Variants in PHACTR3 observed in about 807,000 individuals in gnomAD.
PHACTR3 encodes protein phosphatase 1, regulatory subunit 123.
PHACTR3 carries 16 observed loss-of-function variants against 66.8 expected under a neutral mutation model. The observed-to-expected ratio is 0.24, with a 90% CI of 0.16 to 0.36. The LOEUF (loss-of-function observed/expected upper bound fraction) is 0.36. Among genes scored for constraint, PHACTR3 ranks in the 10% least tolerant of loss-of-function variants. The pLI, the probability that PHACTR3 is intolerant of heterozygous loss-of-function variation, is 1.00. For synonymous variants in PHACTR3, 323 were observed against 292.1 expected (o/e 1.11, Z -1.08); for missense variants, 647 against 719.9 (o/e 0.90, Z 1.16).
chr20:59,635,101 C>CTTTCTT lies in PHACTR3; in HGVS notation c.118+29970_118+29971insTTCTTT, dbSNP rs1458059575. 2.8e-3 allele frequency among the ~76,000 whole-genome samples: 260 copies of CTTTCTT among 92,984 alleles called. 2 individuals carry two copies. Among genetic ancestry groups the CTTTCTT allele is most frequent in the African/African-American group, 8.4e-3 (194 of 23,064 alleles). 61.0% of individuals were successfully genotyped at this position (92,984 alleles called of 152,430 possible). A position where few individuals can be genotyped will look rare whatever the true frequency, so the allele number is the denominator to read the frequency against. On this transcript the variant is annotated intron_variant, in intron 1 of 12. Transcript: ENST00000371015. ...TTCTTTTTTCTTTCTTTCTTTCTCT[C>CTTTCTT]TCTTTCTTTCTTTCTTTCTTTCTTT...
intron 7 of PHACTR3, among the ~76,000 whole-genome samples, chr20:59,775,748 C>T (rs2040516825): frequency 6.6e-6 from 1 of 152,170 alleles, no homozygotes; most frequent in Non-Finnish European, 1.5e-5. Flanking sequence ...CCCTGGAATC[C>T]TTGCCCTTAA....
chr20:59,580,723 C>T (rs117813739), intron 1 of PHACTR3, among the ~76,000 whole-genome samples: 1,941 of 152,200 alleles, frequency 0.013, 19 homozygotes, highest in Non-Finnish European at 0.021. Flanking sequence ...AGCTCAGAGT[C>T]GGGGCTGGGC....
At chr20:59,635,134 T>TC (rs1491299236) in intron 1 of PHACTR3, among the ~76,000 whole-genome samples, 9 of 72,982 alleles carry the variant, frequency 1.2e-4, no homozygotes, top group Admixed American at 1.5e-4. Context: ...TTTCTTTCTT[T>TC]CTTTCTTTCT....
At chr20:59,641,090 T>G (rs2035083443) in intron 1 of PHACTR3, among the ~76,000 whole-genome samples, 1 of 152,168 alleles carries the variant, frequency 6.6e-6, no homozygotes, top group Admixed American at 6.5e-5. Context: ...AGGAACACCA[T>G]CAATAGGATA....
intron 1 of PHACTR3, among the ~76,000 whole-genome samples, chr20:59,679,282 G>A (rs1234882207): frequency 6.6e-6 from 1 of 152,156 alleles, no homozygotes; most frequent in Non-Finnish European, 1.5e-5. Context: ...TAGGGAGGAT[G>A]AAGCATCACG....
intron 1 of PHACTR3, among the ~76,000 whole-genome samples, chr20:59,710,624 C>G (rs1234890195): frequency 1.3e-5 from 2 of 152,166 alleles, no homozygotes; most frequent in East Asian, 1.9e-4. Context: ...GAGCCTTCCC[C>G]TCTGCTATTT....
chr20:59,615,943 G>T (rs2034010099), intron 1 of PHACTR3, among the ~76,000 whole-genome samples: 1 of 152,118 alleles, frequency 6.6e-6, no homozygotes, highest in Admixed American at 6.5e-5. Context: ...GTAGTCTGTG[G>T]GCTCCTGGAG....
chr20:59,820,993 G>C lies in PHACTR3; in HGVS notation c.1328+14799G>C, dbSNP rs1278231731. ...ACAGTCCTGCTTCACCCAGGATCGG[G>C]GCTTAGCGTGTGTGAGTAGTAGTCA... On this transcript the variant is annotated intron_variant, in intron 8 of 12. Coordinates refer to ENST00000371015, the MANE Select transcript of PHACTR3 (RefSeq NM_080672.5). This position sits in a 1 kb window ranked among gnomAD's most constrained non-coding sequence, Gnocchi z 4.6. Among the ~76,000 whole-genome samples, 1 of 152,102 alleles carries C rather than the reference G, an allele frequency of 6.6e-6. No homozygotes were observed. Among genetic ancestry groups the C allele is most frequent in the Non-Finnish European group, 1.5e-5 (1 of 68,018 alleles).
Position 59,847,457 on chromosome 20 carries a change from C to A in PHACTR3, c.*327C>A, listed in dbSNP as rs2059172044. On this transcript the variant is annotated 3_prime_UTR_variant, in exon 13 of 13. Transcript: ENST00000371015. The stretch of plus-strand genomic sequence containing the variant: ...AGTGTAATGGAGGACGGGCAACGTG[C>A]ATGTGCAGGCTCACCACTCCCAGGC... 1 of 234,788 alleles carries A rather than the reference C, an allele frequency of 4.3e-6. No homozygotes were observed. The highest frequency in any genetic ancestry group is 8.3e-6 in the Non-Finnish European group (1 of 119,948). 14.5% of individuals were successfully genotyped at this position (234,788 alleles called of 1,614,324 possible). A position where few individuals can be genotyped will look rare whatever the true frequency, so the allele number is the denominator to read the frequency against.
intron 8 of PHACTR3, among the ~76,000 whole-genome samples, chr20:59,824,008 A>G (rs143859887): frequency 0.011 from 1,643 of 152,360 alleles, 15 homozygotes; most frequent in Non-Finnish European, 0.018. Flanking sequence ...CGAAGTCAGC[A>G]CGGGATGCCC....
intron 1 of PHACTR3, among the ~76,000 whole-genome samples, chr20:59,719,623 C>T (rs1223769712): frequency 2.0e-5 from 3 of 152,158 alleles, no homozygotes; most frequent in African/African-American, 7.2e-5. Flanking sequence ...ATGGAACATG[C>T]AACCCCTAGC....
chr20:59,586,741 C>G (rs1395374269), intron 1 of PHACTR3, among the ~76,000 whole-genome samples: 1 of 152,204 alleles, frequency 6.6e-6, no homozygotes, highest in East Asian at 1.9e-4. Context: ...GATAGTCACA[C>G]CAGCCAGGTC....
chr20:59,637,987 C>T (rs1181107371), intron 1 of PHACTR3, among the ~76,000 whole-genome samples: 1 of 152,160 alleles, frequency 6.6e-6, no homozygotes, highest in African/African-American at 2.4e-5. Context: ...AACTAAAGCT[C>T]AGGGAAGTAT....
intron 5 of PHACTR3, among the ~76,000 whole-genome samples, chr20:59,769,978 A>G (rs189022902): frequency 5.9e-4 from 90 of 152,364 alleles, no homozygotes; most frequent in African/African-American, 1.6e-3. Flanking sequence ...AGTCCATTCA[A>G]TTAGCCACCA....
chr20:59,768,161 A>G (rs2040245043), intron 5 of PHACTR3, among the ~76,000 whole-genome samples: 1 of 152,256 alleles, frequency 6.6e-6, no homozygotes, highest in Non-Finnish European at 1.5e-5. Context: ...GCAAGTAGAG[A>G]TAATTACTTT....
intron 1 of PHACTR3, among the ~76,000 whole-genome samples, chr20:59,740,746 G>A (rs1254424941): frequency 6.6e-6 from 1 of 152,208 alleles, no homozygotes; most frequent in Admixed American, 6.5e-5. Context: ...TTAGAGACAG[G>A]TGCAGCCCTT....
chr20:59,624,906 G>A (rs2146375247), intron 1 of PHACTR3, among the ~76,000 whole-genome samples: 1 of 152,218 alleles, frequency 6.6e-6, no homozygotes, highest in East Asian at 1.9e-4. Flanking sequence ...ATTAACTCAA[G>A]TTCATACTTT....
chr20:59,779,871 C>T (rs2040665175), intron 7 of PHACTR3, among the ~76,000 whole-genome samples: 1 of 152,228 alleles, frequency 6.6e-6, no homozygotes, highest in Admixed American at 6.5e-5. Flanking sequence ...GGGCCTTGCG[C>T]TCATTCTCCA....
intron 1 of PHACTR3, among the ~76,000 whole-genome samples, chr20:59,612,510 G>A (rs1048715357): frequency 3.9e-5 from 6 of 152,038 alleles, no homozygotes; most frequent in Middle Eastern, 3.2e-3. Context: ...TCAGCCTCCC[G>A]AGTGGCTGGG....
Sources: allele counts gnomAD v4.1 joint callset (sites outside exome capture counted in the v4.1 genomes callset), GRCh38; gene constraint gnomAD v4.1.1; non-coding constraint Gnocchi (gnomAD v3.1); transcripts MANE v1.5; gene names NCBI Gene and HGNC (gene_info 2026-07-23, HGNC 2026-07-21).